The following PPP2R3B variants were observed in gnomAD, a reference collection of about 807,000 sequenced individuals.
PPP2R3B encodes the protein serine/threonine-protein phosphatase 2A regulatory subunit B'' subunit beta.
PPP2R3B carries 68 observed loss-of-function variants against 72.9 expected under a neutral mutation model. The observed-to-expected ratio is 0.93, with a 90% CI of 0.77 to 1.14. PPP2R3B has a LOEUF of 1.14. Ranked by LOEUF, PPP2R3B falls within the 50% of genes most tolerant of loss-of-function variation. The probability of loss-of-function intolerance (pLI) is 0.00; values close to 1 mark genes in which losing one functional copy is unlikely to be tolerated. For synonymous variants in PPP2R3B, 466 were observed against 375.8 expected (o/e 1.24, Z -2.78); for missense variants, 1,018 against 842.0 (o/e 1.21, Z -2.59).
At chrX:357,829 C>T (rs2071466260) in intron 2 of PPP2R3B, among the ~76,000 whole-genome samples, 1 of 151,978 alleles carries the variant, frequency 6.6e-6, no homozygotes, top group East Asian at 1.9e-4. Context: ...CAAACGGCTT[C>T]AGAGAAAACA....
intron 5 of PPP2R3B, 111 bp from the exon 6 acceptor site, chrX:346,371 G>A: frequency 9.4e-7 from 1 of 1,067,576 alleles, no homozygotes; most frequent in Non-Finnish European, 1.4e-6. Flanking sequence ...GCCGCACGGG[G>A]CCGCCAGGGC....
At chrX:358,346 CGCGACAGCGCACACCCT>C (rs1388626021) in intron 2 of PPP2R3B, among the ~76,000 whole-genome samples, 2 of 140,802 alleles carry the variant, frequency 1.4e-5, no homozygotes, top group Non-Finnish European at 3.2e-5. Context: ...TGGATTAAGT[CGCGACAGCGCACACCCT>C]GCTGGCCTCT....
intron 7 of PPP2R3B, chrX:342,226 G>GGA (rs1237974443): frequency 4.0e-5 from 23 of 570,372 alleles, no homozygotes; most frequent in South Asian, 1.2e-4. Flanking sequence ...GCTTTCAGAC[G>GGA]GAGAGAGAGA....
chrX:342,352 AGTGAGACCTCAGCAACG>A (rs1456695052), intron 7 of PPP2R3B: 7 of 192,708 alleles, frequency 3.6e-5, no homozygotes, highest in Non-Finnish European at 7.4e-5. Flanking sequence ...GGGAGGCGGG[AGTGAGACCTCAGCAACG>A]GGAGGCGGGA....
chrX:346,611 C>CCCGCCCCGT (rs2071220191), intron 5 of PPP2R3B, 90 bp downstream of exon 5: 3 of 1,301,846 alleles, frequency 2.3e-6, no homozygotes, highest in Non-Finnish European at 1.1e-6. Context: ...CCGGGCCCCG[C>CCCGCCCCGT]CCGCCCCGTC....
In PPP2R3B at chrX:358,560, T is replaced by C. The variant is rs534819850; in HGVS notation, c.510+2845A>G. ...CTGGGTCACACCCAGGTCACCCTGCTTCTCTGGGGCGTCGAAGACAACGAC... is the reference window on the plus strand; with the variant it reads ...CTGGGTCACACCCAGGTCACCCTGCCTCTCTGGGGCGTCGAAGACAACGAC... On this transcript the variant is annotated intron_variant, in intron 2 of 12. Coordinates refer to ENST00000390665, the MANE Select transcript of PPP2R3B (RefSeq NM_013239.5). Among the ~76,000 whole-genome samples the C allele has an allele frequency of 6.6e-5, 10 of 152,332 alleles. No individual in the cohort carries two copies. The South Asian group carries it at 2.1e-3, about 32-fold the overall frequency.
chrX:345,359 A>T, intron 7 of PPP2R3B, 157 bp downstream of exon 7: 2 of 1,039,174 alleles, frequency 1.9e-6, no homozygotes, highest in South Asian at 2.7e-5. Context: ...GGGGAAGGAG[A>T]GGCAGCTGCA....
rs143642265 is a variant in PPP2R3B at position 334,428 on chromosome X, G to C, written c.1667C>G (p.Pro556Arg). The change falls in exon 13 of 13, where the codon CCG becomes CGG. Residue 556 changes from proline (P) to arginine (R), a missense_variant. Pro to Arg is a moderately radical substitution (Grantham distance 103). Transcript: ENST00000390665. ...CTCGTACAGGTCCACGGCGCCCAGC[G>C]GTGAGGGCGCCTCGAAGAAGGGCCT... Reference protein sequence around the residue: ...AQRPFFEAPSPLGAVDLYEYA... With the variant: ...AQRPFFEAPSRLGAVDLYEYA... The C allele has an allele frequency of 3.1e-5, 49 of 1,594,890 alleles. No individual in the cohort carries two copies. Among genetic ancestry groups the C allele is most frequent in the Non-Finnish European group, 3.8e-5 (45 of 1,175,950 alleles).
intron 7 of PPP2R3B, among the ~76,000 whole-genome samples, chrX:344,536 G>A (rs2071154583): frequency 6.6e-6 from 1 of 152,250 alleles, no homozygotes; most frequent in Non-Finnish European, 1.5e-5. Flanking sequence ...CCGAGAGTGG[G>A]CTCCAGAGGA....
At chrX:383,942 C>G (rs2072186232) in intron 1 of PPP2R3B, among the ~76,000 whole-genome samples, 1 of 151,500 alleles carries the variant, frequency 6.6e-6, no homozygotes, top group Non-Finnish European at 1.5e-5. Flanking sequence ...TTATACCCCT[C>G]CTGCTTTGGC....
rs1358253710 is a variant in PPP2R3B at position 334,003 on chromosome X, T to G, written c.*364A>C. On this transcript the variant is annotated 3_prime_UTR_variant, in exon 13 of 13. Coordinates refer to ENST00000390665, the MANE Select transcript of PPP2R3B (RefSeq NM_013239.5). ...TTACACAAAACATTCACACAGCCTG[T>G]GGTGGAGGCTCCTGTCCAGGACTGA... The G allele has an allele frequency of 9.1e-6, 2 of 218,854 alleles. No individual in the cohort carries two copies. Among genetic ancestry groups the G allele is most frequent in the Non-Finnish European group, 1.8e-5 (2 of 111,946 alleles). The allele number at this position is 218,854 out of a possible 1,614,324, so 13.6% of individuals were successfully genotyped here.
At chrX:364,507 A>T (rs770834676) in intron 1 of PPP2R3B, among the ~76,000 whole-genome samples, 9 of 99,752 alleles carry the variant, frequency 9.0e-5, no homozygotes, top group African/African-American at 3.6e-4. Flanking sequence ...CATCTCTACT[A>T]AAAAAAAAAA....
At chrX:381,013 G>A (rs1427325898) in intron 1 of PPP2R3B, among the ~76,000 whole-genome samples, 1 of 151,212 alleles carries the variant, frequency 6.6e-6, no homozygotes, top group Non-Finnish European at 1.5e-5. Flanking sequence ...ATAGCTCACT[G>A]CAGCCTCGAA....
intron 10 of PPP2R3B, among the ~76,000 whole-genome samples, chrX:340,210 GGGGGT>G (rs2071021376): frequency 1.9e-4 from 19 of 97,488 alleles, no homozygotes; most frequent in Non-Finnish European, 2.9e-4. Context: ...CGGGGGGGGG[GGGGGT>G]GAGGGGAGGA....
Position 346,734 on chromosome X carries a change from C to G in PPP2R3B, c.759G>C (p.Glu253Asp), listed in dbSNP as rs988163516. The change falls in exon 5 of 13, where the codon GAG (glutamate) becomes GAC (aspartate). Residue 253 changes from glutamate (E) to aspartate (D), a missense_variant. Coordinates refer to ENST00000390665, the MANE Select transcript of PPP2R3B (RefSeq NM_013239.5). ...NTHPGLSFLK[E>D]ASEFHSRYIT... is the part of the protein sequence containing the mutation. Reference sequence around the variant, plus strand: ...TGTAGCGCGAGTGGAACTCGGACGCCTCCTTCAGGAACGACAGCCCCGGGT... The same window carrying G: ...TGTAGCGCGAGTGGAACTCGGACGCGTCCTTCAGGAACGACAGCCCCGGGT... 6.2e-7 allele frequency: 1 copy of G among 1,610,378 alleles called. No individual in the cohort carries two copies. The highest frequency in any genetic ancestry group is 1.3e-5 in the African/African-American group (1 of 74,866).
At chrX:338,537 C>A (rs926463411) in intron 12 of PPP2R3B, 67 bp downstream of exon 12, 2 of 1,222,966 alleles carry the variant, frequency 1.6e-6, no homozygotes, top group African/African-American at 3.2e-5. Flanking sequence ...CTCCCACTCA[C>A]CCGTCCTCCC....
In PPP2R3B at chrX:346,266, G is replaced by T; in HGVS notation, c.793-6C>A. 1 of 1,562,610 alleles carries T rather than the reference G, an allele frequency of 6.4e-7. No individual in the cohort carries two copies. The highest frequency in any genetic ancestry group is 8.7e-7 in the Non-Finnish European group (1 of 1,155,396). On this transcript the variant is annotated splice_polypyrimidine_tract_variant and splice_region_variant and intron_variant, in intron 5 of 12. Transcript: ENST00000390665. The stretch of plus-strand genomic sequence containing the variant: ...TAGAAGATCCGCTGGATGACCTGCG[G>T]GGGCGCTGTCAGTGCGGTGGGTGCG...
chrX:351,748 G>A (rs1448441668), intron 2 of PPP2R3B, among the ~76,000 whole-genome samples: 4 of 152,082 alleles, frequency 2.6e-5, no homozygotes, highest in Admixed American at 6.6e-5. Flanking sequence ...GCCCAGGCTG[G>A]AGTGCAGTGT....
chrX:386,638 C>A lies in PPP2R3B; in HGVS notation c.54G>T (p.Leu18=). 1 of 1,430,392 alleles carries A rather than the reference C, an allele frequency of 7.0e-7. No individual in the cohort carries two copies. The highest frequency in any genetic ancestry group is 9.2e-7 in the Non-Finnish European group (1 of 1,092,174). The allele number at this position is 1,430,392 out of a possible 1,614,324, so 88.6% of individuals were successfully genotyped here. The part of the protein sequence containing the change: ...QPVLKMKVDE[L]FLYWLSEAST... The stretch of plus-strand genomic sequence containing the variant: ...TGGCCTCGCTGAGCCAGTACAGGAA[C>A]AGCTCGTCCACCTTCATCTTCAGGA... Residue 18 remains leucine (L), a synonymous_variant, in exon 1 of 13, where the codon CTG becomes CTT. Coordinates refer to ENST00000390665, the MANE Select transcript of PPP2R3B (RefSeq NM_013239.5).
Sources: gnomAD v4.1 joint callset for allele counts (sites outside exome capture counted in the v4.1 genomes callset) on GRCh38, gnomAD v4.1.1 for gene constraint, MANE v1.5 for transcripts, NCBI Gene and HGNC (gene_info 2026-07-23, HGNC 2026-07-21) for gene names.